The following FAM13B variants were observed in gnomAD, a reference collection of about 807,000 sequenced individuals.
FAM13B encodes the protein family with sequence similarity 13 member B, also known as protein FAM13B.
Under a neutral mutation model 117.3 loss-of-function variants are expected in FAM13B, and 60 were observed. The ratio of observed to expected loss-of-function variants is 0.51; its 90% confidence interval spans 0.42 to 0.63. The LOEUF (loss-of-function observed/expected upper bound fraction) is 0.63, where lower values mean the gene tolerates loss of function less well. FAM13B is among the 30% of genes least tolerant of loss of function. The pLI, the probability that FAM13B is intolerant of heterozygous loss-of-function variation, is 0.00. For missense variants in FAM13B, 972 were observed against 1,091.9 expected, an observed-to-expected ratio of 0.89 and a Z score of 1.55; for synonymous variants, 332 against 356.1, an observed-to-expected ratio of 0.93 and a Z score of 0.76.
chr5:138,049,262 T>A lies in FAM13B; in HGVS notation c.-203+2616A>T, dbSNP rs1791729372. On this transcript the variant is annotated intron_variant, in intron 1 of 3. Transcript: ENST00000502471. ...TGGCTTCAGAGTGATACATTTCTTG[T>A]TTTGTTTTTGTTTTTGTTTTTTCCT... is the stretch of plus-strand genomic sequence containing the variant. 2.1e-5 allele frequency among the ~76,000 whole-genome samples: 3 copies of A among 145,494 alleles called. 1 individual carries two copies. In the Admixed American group the frequency reaches 2.1e-4, roughly 10 times the overall value.
In FAM13B at chr5:138,006,979, TG is replaced by T; in HGVS notation, c.848+10del. The T allele has an allele frequency of 1.3e-6, 2 of 1,590,954 alleles. No individual in the cohort carries two copies. The highest frequency in any genetic ancestry group is 1.7e-6 in the Non-Finnish European group (2 of 1,172,712). ...ACTCAAAAGCTAAAGTTCATTCAAC[TG>T]AGCTATTACCTTGTTGCCGTAACAC... On this transcript the variant is annotated intron_variant, in intron 7 of 23. Coordinates refer to ENST00000689681, the MANE Select transcript of FAM13B (RefSeq NM_001385994.1).
chr5:137,993,949 C>A (rs1332075062), intron 7 of FAM13B, among the ~76,000 whole-genome samples: 2 of 152,148 alleles, frequency 1.3e-5, no homozygotes, highest in African/African-American at 4.8e-5. Context: ...TTGAGAAACA[C>A]TGGCCTAGGT....
chr5:137,960,145 A>T, intron 12 of FAM13B, 21 bp downstream of exon 12: 1 of 1,469,394 alleles, frequency 6.8e-7, no homozygotes, highest in Non-Finnish European at 9.4e-7. Context: ...TTAAAGACTA[A>T]GACAAAAAAA....
At chr5:137,955,018 G>C (rs1221377691) in intron 14 of FAM13B, among the ~76,000 whole-genome samples, 1 of 152,092 alleles carries the variant, frequency 6.6e-6, no homozygotes, top group Non-Finnish European at 1.5e-5. Flanking sequence ...TAATTCTAAA[G>C]ATGTTATTTA....
intron 10 of FAM13B, among the ~76,000 whole-genome samples, chr5:137,972,114 A>G (rs924011419): frequency 4.6e-5 from 7 of 151,018 alleles, no homozygotes; most frequent in African/African-American, 1.7e-4. Flanking sequence ...TCATTTTATG[A>G]GGCCAGCATC....
chr5:138,032,663 C>T lies in FAM13B; in HGVS notation c.-203+119G>A, dbSNP rs1432970852. On this transcript the variant is annotated intron_variant, in intron 1 of 23. Coordinates refer to ENST00000689681, the MANE Select transcript of FAM13B (RefSeq NM_001385994.1). ...TGCTAGAGTCCTCCACATCCCGAAA[C>T]GCAACGCCCGAGAGCAGGCGCGGGT... The T allele has an allele frequency of 2.3e-5, 22 of 942,086 alleles. No homozygotes were observed. The African/African-American group carries it at 3.2e-4, about 14-fold the overall frequency. 58.4% of individuals were successfully genotyped at this position (942,086 alleles called of 1,614,324 possible).
intron 1 of FAM13B, among the ~76,000 whole-genome samples, chr5:138,049,448 T>C (rs1271917826): frequency 6.6e-6 from 1 of 151,962 alleles, no homozygotes; most frequent in African/African-American, 2.4e-5. Flanking sequence ...TAATTTTTTT[T>C]TTTTAGTAGA....
intron 4 of FAM13B, among the ~76,000 whole-genome samples, chr5:138,016,271 G>C (rs934475054): frequency 6.6e-6 from 1 of 152,036 alleles, no homozygotes; most frequent in African/African-American, 2.4e-5. Context: ...CTTTGAAGAG[G>C]AACTTAGTTG....
intron 1 of FAM13B, chr5:138,051,804 A>T (rs1329852364): frequency 6.6e-6 from 1 of 152,208 alleles, no homozygotes; most frequent in African/African-American, 2.4e-5. Context: ...AAACCTGCAC[A>T]TTCCCCACTA....
At chr5:138,051,985 T>G (rs1030676410), upstream of FAM13B, 3 of 152,034 alleles carry the variant, frequency 2.0e-5, no homozygotes, top group Admixed American at 6.6e-5. Context: ...GCCAAAAAAG[T>G]CTGTTCAGGC....
At chr5:137,940,428 T>C in intron 23 of FAM13B, 80 bp from the exon 24 acceptor site, 1 of 885,234 alleles carries the variant, frequency 1.1e-6, no homozygotes, top group Non-Finnish European at 1.8e-6. Context: ...ATATGAGACA[T>C]ACTGTTACTA....
chr5:137,960,217 A>G lies in FAM13B; in HGVS notation c.1245-3T>C. Reference sequence around the variant, plus strand: ...TGTCAAATAACAAATATTCTTCCCTAAAAATACAAGTAAAGTTGTTAGTAT... The same window carrying G: ...TGTCAAATAACAAATATTCTTCCCTGAAAATACAAGTAAAGTTGTTAGTAT... On this transcript the variant is annotated splice_region_variant and splice_polypyrimidine_tract_variant and intron_variant, in intron 11 of 23. Coordinates refer to ENST00000689681, the MANE Select transcript of FAM13B (RefSeq NM_001385994.1). 1 of 1,481,884 alleles carries G rather than the reference A, an allele frequency of 6.7e-7. No homozygotes were observed. Among genetic ancestry groups the G allele is most frequent in the South Asian group, 1.2e-5 (1 of 82,684 alleles). The allele number at this position is 1,481,884 out of a possible 1,614,324, so 91.8% of individuals were successfully genotyped here.
At chr5:138,037,370 T>C (rs1004522502), upstream of FAM13B, 2 of 151,528 alleles carry the variant, frequency 1.3e-5, no homozygotes, top group African/African-American at 4.9e-5. Flanking sequence ...AGTAAGGTCA[T>C]GAGTCACATC....
chr5:138,008,354 A>T (rs991302802), intron 6 of FAM13B, among the ~76,000 whole-genome samples: 3 of 152,186 alleles, frequency 2.0e-5, no homozygotes, highest in Non-Finnish European at 4.4e-5. Context: ...AGGTAGGAGA[A>T]TCACTTGGGC....
intron 4 of FAM13B, among the ~76,000 whole-genome samples, chr5:138,012,980 C>T (rs1052299979): frequency 1.4e-5 from 2 of 143,578 alleles, no homozygotes; most frequent in Admixed American, 6.9e-5. Flanking sequence ...GAGACAGGCG[C>T]ATCACCTGAG....
chr5:137,983,852 T>TA lies in FAM13B; in HGVS notation c.1179+1404dup, dbSNP rs577199607. Among the ~76,000 whole-genome samples the TA allele has an allele frequency of 2.2e-3, 334 of 152,286 alleles. 1 individual carries two copies. Among genetic ancestry groups the TA allele is most frequent in the Admixed American group, 4.1e-3 (62 of 15,294 alleles). ...GGTAACTTGGCCAAAGTCACACTGA[T>TA]ACTGAACAAAGGCAGAATACAAAAC... is the stretch of plus-strand genomic sequence containing the variant. On this transcript the variant is annotated intron_variant, in intron 10 of 23. Transcript: ENST00000689681.
chr5:138,011,885 G>A lies in FAM13B; in HGVS notation c.431C>T (p.Pro144Leu). Reference protein sequence around the residue: ...KLRFLLQQLPPVNYSLLKFLC... With the variant: ...KLRFLLQQLPLVNYSLLKFLC... ...AAACTTTAACAAACTATAATTAACA[G>A]GTGGAAGCTGTTGCAAGAGGAACCT... Residue 144 changes from proline (P) to leucine (L), a missense_variant, in exon 5 of 24, where the codon CCT becomes CTT. Physicochemically the swap from Pro to Leu is moderately conservative, Grantham distance 98 (BLOSUM62 -3). Coordinates refer to ENST00000689681, the MANE Select transcript of FAM13B (RefSeq NM_001385994.1). 1 of 1,601,148 alleles carries A rather than the reference G, an allele frequency of 6.2e-7. No homozygotes were observed. Among genetic ancestry groups the A allele is most frequent in the Non-Finnish European group, 8.5e-7 (1 of 1,176,278 alleles).
chr5:138,007,689 T>G (rs1782896158), intron 6 of FAM13B, among the ~76,000 whole-genome samples: 1 of 147,562 alleles, frequency 6.8e-6, no homozygotes, highest in Non-Finnish European at 1.5e-5. Flanking sequence ...AAGGAAGAAC[T>G]CATATTTTGA....
At chr5:138,006,252 T>C (rs1190014087) in intron 7 of FAM13B, among the ~76,000 whole-genome samples, 2 of 152,166 alleles carry the variant, frequency 1.3e-5, no homozygotes, top group Non-Finnish European at 2.9e-5. Flanking sequence ...ATGAAAAATA[T>C]CTAGTGGACT....
Sources: allele counts gnomAD v4.1 joint callset (sites outside exome capture counted in the v4.1 genomes callset), GRCh38; gene constraint gnomAD v4.1.1; transcripts MANE v1.5; gene names NCBI Gene and HGNC (gene_info 2026-07-23, HGNC 2026-07-21).